CELF2: variants seen among roughly 807,000 people sequenced by gnomAD.
CELF2 encodes CUG triplet repeat RNA-binding protein 2.
Under a neutral mutation model 62.6 loss-of-function variants are expected in CELF2, and 8 were observed. The ratio of observed to expected loss-of-function variants is 0.13; its 90% CI spans 0.07 to 0.23. The LOEUF (loss-of-function observed/expected upper bound fraction) is 0.23. Ranked by LOEUF, CELF2 falls within the 10% of genes least tolerant of loss-of-function variation. The pLI is 1.00. For missense variants in CELF2, 333 were observed against 671.0 expected, an observed-to-expected ratio of 0.50 and a Z score of 5.56; for synonymous variants, 258 against 250.0, an observed-to-expected ratio of 1.03 and a Z score of -0.30.
intron 1 of CELF2, among the ~76,000 whole-genome samples, chr10:11,143,577 C>T (rs1253674692): frequency 2.6e-5 from 4 of 152,218 alleles, no homozygotes; most frequent in Non-Finnish European, 5.9e-5. Context: ...TTCTACTATG[C>T]ATACCATTGC....
At chr10:10,501,130 G>C in the CELF2 span, among the ~76,000 whole-genome samples, 1 of 152,196 alleles carries the variant, frequency 6.6e-6, no homozygotes, top group Non-Finnish European at 1.5e-5. Context: ...TCTCTGGAGT[G>C]CAGTTGCTGA....
At chr10:10,745,967 T>C in the CELF2 span, among the ~76,000 whole-genome samples, 1 of 152,258 alleles carries the variant, frequency 6.6e-6, no homozygotes, top group African/African-American at 2.4e-5. Flanking sequence ...GGGATGGAAA[T>C]GAACACTAAC....
chr10:11,204,067 A>G (rs914526497), intron 2 of CELF2, among the ~76,000 whole-genome samples: 9 of 152,200 alleles, frequency 5.9e-5, no homozygotes, highest in Admixed American at 1.3e-4. Flanking sequence ...TTGTCCCAGA[A>G]TCATCGTTAA....
upstream of CELF2, chr10:10,796,845 G>A: frequency 1.0e-6 from 1 of 978,458 alleles, no homozygotes; most frequent in Middle Eastern, 5.2e-4. Context: ...ATTCACAGTG[G>A]GATAACACAG....
intron 2 of CELF2, among the ~76,000 whole-genome samples, chr10:11,167,572 G>A (rs973648087): frequency 5.4e-4 from 82 of 152,192 alleles, no homozygotes; most frequent in African/African-American, 1.8e-3. Flanking sequence ...CCTATGTGTG[G>A]CCTAGTTATT....
the CELF2 span, among the ~76,000 whole-genome samples, chr10:10,471,641 T>A: frequency 6.6e-6 from 1 of 151,794 alleles, no homozygotes; most frequent in Non-Finnish European, 1.5e-5. Context: ...TTGTCATTTG[T>A]ATCTACAATA....
At chr10:10,798,966 G>A (rs1813970923) in intron 1 of CELF2, 3 of 396,602 alleles carry the variant, frequency 7.6e-6, no homozygotes. Flanking sequence ...TGGGAAGACT[G>A]TTCGGAGGCA....
chr10:11,056,580 G>A (rs747784437), intron 1 of CELF2, among the ~76,000 whole-genome samples: 1 of 152,200 alleles, frequency 6.6e-6, no homozygotes, highest in Non-Finnish European at 1.5e-5. Context: ...GAAAGGGAAG[G>A]TATTTGAATC....
Position 11,328,901 on chromosome 10 carries a change from G to A in CELF2, c.1439-25G>A. On this transcript the variant is annotated intron_variant, in intron 12 of 12. Transcript: ENST00000633077. The surrounding 1 kb of genome is among the most constrained non-coding windows in gnomAD (Gnocchi z 6.4). ...TTCTGCTGGGCTTCCTCTCCAGGCT[G>A]ACTCCCTCTCTCGGTATTTTCCAGG... 6.3e-7 allele frequency: 1 copy of A among 1,598,526 alleles called. No individual in the cohort carries two copies. The highest frequency in any genetic ancestry group is 8.6e-7 in the Non-Finnish European group (1 of 1,168,930).
At chr10:10,701,984 T>C in the CELF2 span, among the ~76,000 whole-genome samples, 1 of 152,210 alleles carries the variant, frequency 6.6e-6, no homozygotes, top group Non-Finnish European at 1.5e-5. Flanking sequence ...GACTTGGTAA[T>C]TGAAGGAGCA....
At chr10:10,921,592 G>C (rs1262476861) in intron 2 of CELF2, among the ~76,000 whole-genome samples, 1 of 151,972 alleles carries the variant, frequency 6.6e-6, no homozygotes, top group Non-Finnish European at 1.5e-5. Flanking sequence ...CAAAAGAGAG[G>C]AGAAATTTAC....
At chr10:11,031,089 A>G (rs977740800) in intron 1 of CELF2, among the ~76,000 whole-genome samples, 1 of 152,150 alleles carries the variant, frequency 6.6e-6, no homozygotes, top group Non-Finnish European at 1.5e-5. Flanking sequence ...ATTTTTGCAT[A>G]TGACTTAGAC....
chr10:11,219,346 T>C (rs2064151496), intron 3 of CELF2, among the ~76,000 whole-genome samples: 1 of 152,268 alleles, frequency 6.6e-6, no homozygotes, highest in African/African-American at 2.4e-5. Context: ...ACATGTTTTA[T>C]ATTTTTTAAA....
the CELF2 span, among the ~76,000 whole-genome samples, chr10:10,532,240 A>G: frequency 6.6e-6 from 1 of 152,226 alleles, no homozygotes; most frequent in East Asian, 1.9e-4. Flanking sequence ...ACAAATTTGG[A>G]AAGTTTTTAG....
In CELF2 at chr10:11,311,607, G is replaced by A. The variant is rs566157681; in HGVS notation, c.977-2532G>A. Among the ~76,000 whole-genome samples the A allele has an allele frequency of 1.6e-4, 24 of 152,070 alleles. No individual in the cohort carries two copies. The South Asian group carries it at 3.1e-3, about 20-fold the overall frequency. On this transcript the variant is annotated intron_variant, in intron 9 of 12. Transcript: ENST00000633077. The surrounding 1 kb of genome is among the most constrained non-coding windows in gnomAD (Gnocchi z 4.7). ...TACATATTAAAAGAATTTGAAAAGC[G>A]AAAAAGCCACTGATTATGAAAAATG...
Position 11,315,771 on chromosome 10 carries a change from C to G in CELF2, c.1096+1513C>G, listed in dbSNP as rs1015789215. On this transcript the variant is annotated intron_variant, in intron 10 of 12. Transcript: ENST00000633077. This position sits in a 1 kb window ranked among gnomAD's most constrained non-coding sequence, Gnocchi z 5.8. Reference sequence around the variant, plus strand: ...TTTTCCAGCAGCCAAGTAGGAGCCTCACTGCCTTGACCCCCATTTCCGGTA... The same window carrying G: ...TTTTCCAGCAGCCAAGTAGGAGCCTGACTGCCTTGACCCCCATTTCCGGTA... Among the ~76,000 whole-genome samples, 7 of 152,250 alleles carry G rather than the reference C, an allele frequency of 4.6e-5. No individual in the cohort carries two copies. Among genetic ancestry groups the G allele is most frequent in the African/African-American group, 1.7e-4 (7 of 41,466 alleles).
At chr10:11,115,255 A>C (rs2056292799) in intron 1 of CELF2, among the ~76,000 whole-genome samples, 1 of 152,242 alleles carries the variant, frequency 6.6e-6, no homozygotes, top group Admixed American at 6.5e-5. Context: ...CATAAGACTC[A>C]CAGTAATAGC....
At chr10:10,585,995 T>A in the CELF2 span, among the ~76,000 whole-genome samples, 79 of 152,324 alleles carry the variant, frequency 5.2e-4, no homozygotes, top group African/African-American at 1.9e-3. Context: ...CATTTACTAT[T>A]GTATGTTCAT....
chr10:11,229,206 G>A (rs772506532), intron 3 of CELF2, among the ~76,000 whole-genome samples: 2 of 152,192 alleles, frequency 1.3e-5, no homozygotes, highest in Non-Finnish European at 2.9e-5. Context: ...TTCTCTGCAA[G>A]GTTATGCCAA....
Sources: gnomAD v4.1 joint callset for allele counts (sites outside exome capture counted in the v4.1 genomes callset) on GRCh38, gnomAD v4.1.1 for gene constraint, Gnocchi (gnomAD v3.1) non-coding constraint, MANE v1.5 for transcripts, NCBI Gene and HGNC (gene_info 2026-07-23, HGNC 2026-07-21) for gene names.